ZNF385D: variants seen among roughly 807,000 people sequenced by gnomAD.
The protein encoded by ZNF385D is zinc finger protein 385D, also known as zinc finger protein 659.
ZNF385D carries 15 observed loss-of-function variants against 35.8 expected under a neutral mutation model. That is an observed-to-expected ratio of 0.42 (90% CI 0.28 to 0.64). The LOEUF is 0.64. ZNF385D is among the 30% of genes least tolerant of loss of function. ZNF385D has a pLI of 0.23. For synonymous variants in ZNF385D, 212 were observed against 186.8 expected (o/e 1.13, Z -1.10); for missense variants, 474 against 494.6 (o/e 0.96, Z 0.39).
chr3:21,635,274 ATG>A (rs1375928164), intron 2 of ZNF385D, among the ~76,000 whole-genome samples: 1 of 152,158 alleles, frequency 6.6e-6, no homozygotes, highest in African/African-American at 2.4e-5. Flanking sequence ...ACAAAACAAA[ATG>A]TATAAATAAT....
At chr3:22,335,229 C>G (rs989509551) in intron 2 of ZNF385D, among the ~76,000 whole-genome samples, 1 of 152,098 alleles carries the variant, frequency 6.6e-6, no homozygotes, top group African/African-American at 2.4e-5. Context: ...CTAACATAAA[C>G]AATTTAAACA....
chr3:21,860,693 A>G (rs1697001014), intron 3 of ZNF385D, among the ~76,000 whole-genome samples: 1 of 152,084 alleles, frequency 6.6e-6, no homozygotes. Context: ...GCCTCCAAAC[A>G]TTTTCTCTAA....
intron 2 of ZNF385D, among the ~76,000 whole-genome samples, chr3:22,216,673 T>G (rs1353857484): frequency 1.3e-5 from 2 of 152,144 alleles, no homozygotes; most frequent in South Asian, 2.1e-4. Flanking sequence ...GAAGATGGAA[T>G]GTCATGTAGT....
intron 2 of ZNF385D, among the ~76,000 whole-genome samples, chr3:22,203,186 T>G (rs369323598): frequency 6.6e-6 from 1 of 152,116 alleles, no homozygotes; most frequent in East Asian, 1.9e-4. Context: ...CTCTTGCAAC[T>G]TGGACACCAG....
rs909464071 is a variant in ZNF385D at position 21,414,899 on chromosome 3, A to T, written c.*6315T>A. ...ATCTCACGAACTCAATTCCTTTTTC[A>T]TCTCTACTAATGTTAGCATAACATC... On this transcript the variant is annotated 3_prime_UTR_variant, in exon 8 of 8. Coordinates refer to ENST00000281523, the MANE Select transcript of ZNF385D (RefSeq NM_024697.3). 5 of 152,122 alleles carry T rather than the reference A, an allele frequency of 3.3e-5. No individual in the cohort carries two copies. The highest frequency in any genetic ancestry group is 1.2e-4 in the African/African-American group (5 of 41,436). The allele number at this position is 152,122 out of a possible 1,614,324, so 9.4% of individuals were successfully genotyped here.
chr3:22,184,636 T>C (rs886942640), intron 2 of ZNF385D, among the ~76,000 whole-genome samples: 2 of 151,956 alleles, frequency 1.3e-5, no homozygotes, highest in Non-Finnish European at 2.9e-5. Flanking sequence ...GACCAGACTG[T>C]CCAACATGGT....
At chr3:21,723,186 G>C (rs908705238) in intron 1 of ZNF385D, among the ~76,000 whole-genome samples, 20 of 152,134 alleles carry the variant, frequency 1.3e-4, no homozygotes, top group African/African-American at 4.6e-4. Flanking sequence ...AATCCACAAA[G>C]ATAGGGAGAA....
At chr3:22,301,198 A>T (rs1046684913) in intron 2 of ZNF385D, among the ~76,000 whole-genome samples, 1 of 152,086 alleles carries the variant, frequency 6.6e-6, no homozygotes, top group Non-Finnish European at 1.5e-5. Flanking sequence ...CAACTACTGC[A>T]TGACCTCACT....
chr3:21,984,870 G>A (rs1163238855), intron 3 of ZNF385D, among the ~76,000 whole-genome samples: 10 of 136,930 alleles, frequency 7.3e-5, no homozygotes, highest in African/African-American at 2.3e-4. Context: ...TCTCCTTGAA[G>A]AGGTCCTTCA....
chr3:22,148,061 T>G (rs1704977470), intron 3 of ZNF385D, among the ~76,000 whole-genome samples: 1 of 152,210 alleles, frequency 6.6e-6, no homozygotes. Context: ...GGCTTATTTT[T>G]AGTATTTTAT....
At chr3:21,748,162 C>T (rs1377086852) in intron 1 of ZNF385D, among the ~76,000 whole-genome samples, 1 of 152,180 alleles carries the variant, frequency 6.6e-6, no homozygotes, top group East Asian at 1.9e-4. Context: ...GCACTAAAAT[C>T]TCAATAGGAG....
intron 3 of ZNF385D, among the ~76,000 whole-genome samples, chr3:21,917,582 A>G (rs1700251352): frequency 6.6e-6 from 1 of 152,202 alleles, no homozygotes. Flanking sequence ...TAAGAGTTTC[A>G]TGTACTGAAG....
At chr3:22,230,378 G>T (rs375025517) in intron 2 of ZNF385D, among the ~76,000 whole-genome samples, 1 of 152,078 alleles carries the variant, frequency 6.6e-6, no homozygotes, top group African/African-American at 2.4e-5. Context: ...GCACCAGAAA[G>T]TCATGCCTAA....
At chr3:22,291,017 G>T (rs753437320) in intron 2 of ZNF385D, among the ~76,000 whole-genome samples, 2 of 152,068 alleles carry the variant, frequency 1.3e-5, no homozygotes, top group African/African-American at 2.4e-5. Flanking sequence ...ATCAATGAAG[G>T]ACTTACCTTC....
intron 2 of ZNF385D, among the ~76,000 whole-genome samples, chr3:22,265,523 G>A (rs1039065820): frequency 6.6e-6 from 1 of 151,930 alleles, no homozygotes; most frequent in Admixed American, 6.6e-5. Flanking sequence ...TGATTACTTA[G>A]AGAGGAAAGC....
At chr3:21,634,693 G>C (rs2065377510) in intron 2 of ZNF385D, among the ~76,000 whole-genome samples, 1 of 151,918 alleles carries the variant, frequency 6.6e-6, no homozygotes, top group South Asian at 2.1e-4. Context: ...TAAATTGCAT[G>C]TCTGTTTTGT....
At chr3:21,992,205 C>G (rs1028899530) in intron 3 of ZNF385D, among the ~76,000 whole-genome samples, 4 of 151,956 alleles carry the variant, frequency 2.6e-5, no homozygotes, top group African/African-American at 7.3e-5. Context: ...AACATAATAT[C>G]TAATTTCACA....
At chr3:21,928,480 T>A (rs1416964386) in intron 3 of ZNF385D, among the ~76,000 whole-genome samples, 2 of 152,124 alleles carry the variant, frequency 1.3e-5, no homozygotes, top group African/African-American at 4.8e-5. Flanking sequence ...CAGCTGGACT[T>A]AAATGACATC....
chr3:21,834,261 T>G (rs1053212017), intron 3 of ZNF385D, among the ~76,000 whole-genome samples: 1 of 152,124 alleles, frequency 6.6e-6, no homozygotes, highest in Non-Finnish European at 1.5e-5. Context: ...GACTCAGAGC[T>G]GACCTCAGGT....
Sources: gnomAD v4.1 joint callset for allele counts (sites outside exome capture counted in the v4.1 genomes callset) on GRCh38, gnomAD v4.1.1 for gene constraint, MANE v1.5 for transcripts, NCBI Gene and HGNC (gene_info 2026-07-23, HGNC 2026-07-21) for gene names.